TRPM3: variants seen among roughly 807,000 people sequenced by gnomAD.
The protein encoded by TRPM3 is long transient receptor potential channel 3.
Under a neutral mutation model 181.2 loss-of-function variants are expected in TRPM3, and 77 were observed. The observed-to-expected ratio is 0.42, with a 90% CI of 0.35 to 0.51. TRPM3 has a LOEUF of 0.51. Among genes scored for constraint, TRPM3 ranks in the 20% least tolerant of loss-of-function variants. The probability of loss-of-function intolerance (pLI) is 0.01; values close to 1 mark genes in which losing one functional copy is unlikely to be tolerated. For missense variants in TRPM3, 1,759 were observed against 2,196.7 expected (o/e 0.80, Z 3.98); for synonymous variants, 745 against 796.4 (o/e 0.94, Z 1.09).
intron 1 of TRPM3, among the ~76,000 whole-genome samples, chr9:71,257,135 G>A (rs1226277447): frequency 2.0e-5 from 3 of 152,166 alleles, no homozygotes; most frequent in East Asian, 1.9e-4. Flanking sequence ...TTGCTTTAAA[G>A]TTATCCTTCT....
intron 1 of TRPM3, among the ~76,000 whole-genome samples, chr9:70,881,387 C>G (rs753209341): frequency 2.0e-5 from 3 of 152,094 alleles, no homozygotes; most frequent in Non-Finnish European, 4.4e-5. Context: ...ACCACCACCC[C>G]CATACAAAAA....
rs180945428 is a variant in TRPM3 at position 71,012,570 on chromosome 9, A to C, written c.177+108608T>G. Reference sequence around the variant, plus strand: ...TTAATGTATTTATTAGGAAATTATCACATTTATATATTAATTTGCTCACCT... The same window carrying C: ...TTAATGTATTTATTAGGAAATTATCCCATTTATATATTAATTTGCTCACCT... On this transcript the variant is annotated intron_variant, in intron 1 of 25. Coordinates refer to ENST00000677713, the MANE Select transcript of TRPM3 (RefSeq NM_001366145.2). Among the ~76,000 whole-genome samples the C allele has an allele frequency of 3.5e-3, 528 of 152,092 alleles. 4 individuals carry two copies. Among genetic ancestry groups the C allele is most frequent in the Middle Eastern group, 0.014 (4 of 294 alleles).
chr9:70,842,248 C>T (rs2094719204), intron 5 of TRPM3, among the ~76,000 whole-genome samples: 1 of 151,486 alleles, frequency 6.6e-6, no homozygotes, highest in African/African-American at 2.4e-5. Flanking sequence ...TATCTCTGCT[C>T]AGGGTCAAAT....
At chr9:70,837,890 A>C (rs1052747608) in intron 5 of TRPM3, among the ~76,000 whole-genome samples, 5 of 152,214 alleles carry the variant, frequency 3.3e-5, no homozygotes, top group Non-Finnish European at 1.5e-5. Context: ...TACTTGACAT[A>C]CATATATTTA....
At chr9:70,670,113 C>A (rs570001613) in intron 9 of TRPM3, among the ~76,000 whole-genome samples, 1 of 151,946 alleles carries the variant, frequency 6.6e-6, no homozygotes, top group Admixed American at 6.6e-5. Flanking sequence ...TATGATACTG[C>A]GAAAGTCACA....
At chr9:71,355,281 T>G (rs545791351) in intron 1 of TRPM3, among the ~76,000 whole-genome samples, 7 of 152,184 alleles carry the variant, frequency 4.6e-5, no homozygotes, top group Non-Finnish European at 7.3e-5. Context: ...TATTATAAAA[T>G]GAGGATTAGA....
At chr9:70,962,179 G>T (rs1232941563) in intron 1 of TRPM3, among the ~76,000 whole-genome samples, 1 of 152,052 alleles carries the variant, frequency 6.6e-6, no homozygotes, top group Non-Finnish European at 1.5e-5. Context: ...CATTTATGTG[G>T]CCTCCAAGCT....
chr9:71,396,731 G>A (rs865844672), intron 1 of TRPM3, among the ~76,000 whole-genome samples: 4 of 151,850 alleles, frequency 2.6e-5, no homozygotes, highest in African/African-American at 9.7e-5. Flanking sequence ...GGGAGGCCGA[G>A]GTGGGCAGAC....
intron 1 of TRPM3, among the ~76,000 whole-genome samples, chr9:70,884,317 C>T (rs1270943230): frequency 6.6e-6 from 1 of 152,216 alleles, no homozygotes; most frequent in East Asian, 1.9e-4. Context: ...AATATTACCT[C>T]CAACCCTAAC....
intron 1 of TRPM3, among the ~76,000 whole-genome samples, chr9:71,171,907 T>TG (rs2076881387): frequency 2.0e-5 from 3 of 147,062 alleles, no homozygotes; most frequent in African/African-American, 7.5e-5. Flanking sequence ...TTTTTGTTGT[T>TG]TTTGTTTTTA....
At chr9:71,023,143 A>G (rs2097860314) in intron 1 of TRPM3, among the ~76,000 whole-genome samples, 1 of 152,228 alleles carries the variant, frequency 6.6e-6, no homozygotes, top group African/African-American at 2.4e-5. Flanking sequence ...AAAACCCCCA[A>G]GTAAAAAAAT....
At position 70,536,246 on chromosome 9, in the gene TRPM3, T is replaced by C. The variant is rs1268220001; in HGVS notation, c.4867A>G (p.Ile1623Val). The change falls in exon 26 of 26, where the codon ATA (isoleucine) becomes GTA (valine). Residue 1623 changes from isoleucine (I) to valine (V), a missense_variant. Ile to Val is a conservative substitution (Grantham distance 29). Transcript: ENST00000677713. ...EAKGRRATIA[I>V]SSQEGDNSER... is the part of the protein sequence containing the mutation. ...GAGTTATCACCCTCCTGGGAGGATA[T>C]TGCAATGGTGGCTCTGCGGCCTTTG... The C allele has an allele frequency of 6.2e-7, 1 of 1,614,224 alleles. No individual in the cohort carries two copies. Among genetic ancestry groups the C allele is most frequent in the East Asian group, 2.2e-5 (1 of 44,880 alleles).
rs145779027 is a variant in TRPM3, at chr9:70,606,651, G to GTGTGTGTGTATA, written c.2668-3182_2668-3181insTATACACACACA. Among the ~76,000 whole-genome samples the GTGTGTGTGTATA allele has an allele frequency of 1.2e-3, 163 of 140,738 alleles. 1 individual carries two copies. Among genetic ancestry groups the GTGTGTGTGTATA allele is most frequent in the Middle Eastern group, 3.7e-3 (1 of 268 alleles). 92.3% of individuals were successfully genotyped at this position (140,738 alleles called of 152,430 possible). On this transcript the variant is annotated intron_variant, in intron 19 of 25. Coordinates refer to ENST00000677713, the MANE Select transcript of TRPM3 (RefSeq NM_001366145.2). ...TAATTGTGTGTGTGTGTGTGTGTGT[G>GTGTGTGTGTATA]TATATATATATATATATGTATACTC...
rs1317691747 is a variant in TRPM3 at position 71,420,725 on chromosome 9, G to GAA, written c.183+25927_183+25928insTT. 2.5e-3 allele frequency among the ~76,000 whole-genome samples: 316 copies of GAA among 125,822 alleles called. 5 individuals carry two copies. Among genetic ancestry groups the GAA allele is most frequent in the Non-Finnish European group, 3.6e-3 (210 of 58,356 alleles). The allele number at this position is 125,822 out of a possible 152,430, so 82.5% of individuals were successfully genotyped here. A position where few individuals can be genotyped will look rare whatever the true frequency, so the allele number is the denominator to read the frequency against. On this transcript the variant is annotated intron_variant, in intron 1 of 24. Transcript: ENST00000357533. The stretch of plus-strand genomic sequence containing the variant: ...AGAGAGAGAAAGAAAGAGAGAAAGA[G>GAA]AGAGAGAGAGAAAGAGAGAGAAAGA...
intron 1 of TRPM3, among the ~76,000 whole-genome samples, chr9:71,266,628 T>C (rs1033878966): frequency 6.6e-6 from 1 of 152,222 alleles, no homozygotes; most frequent in African/African-American, 2.4e-5. Flanking sequence ...GTAAGAATAC[T>C]GAACATGAGA....
intron 12 of TRPM3, among the ~76,000 whole-genome samples, chr9:70,626,022 T>A (rs1181506159): frequency 6.6e-6 from 1 of 152,194 alleles, no homozygotes. Flanking sequence ...TTTTTATCAA[T>A]GGAGTATTTA....
At chr9:70,991,936 T>G (rs1016843297) in intron 1 of TRPM3, among the ~76,000 whole-genome samples, 3 of 152,310 alleles carry the variant, frequency 2.0e-5, no homozygotes, top group African/African-American at 7.2e-5. Flanking sequence ...TTTCCTCACT[T>G]TACTGCTGGT....
At chr9:70,788,367 T>C (rs933775703) in intron 6 of TRPM3, among the ~76,000 whole-genome samples, 1 of 152,094 alleles carries the variant, frequency 6.6e-6, no homozygotes, top group African/African-American at 2.4e-5. Flanking sequence ...CTGTTTGTGT[T>C]GTTTTGTGAA....
intron 1 of TRPM3, among the ~76,000 whole-genome samples, chr9:71,343,028 T>C (rs2091064028): frequency 6.6e-6 from 1 of 152,042 alleles, no homozygotes; most frequent in Admixed American, 6.6e-5. Flanking sequence ...ATATGCTTAT[T>C]TTTGCCAAAG....
Sources: gnomAD v4.1 joint callset for allele counts (sites outside exome capture counted in the v4.1 genomes callset) on GRCh38, gnomAD v4.1.1 for gene constraint, MANE v1.5 for transcripts, NCBI Gene and HGNC (gene_info 2026-07-23, HGNC 2026-07-21) for gene names.